DPF1: variants seen among roughly 807,000 people sequenced by gnomAD.
The protein encoded by DPF1 is zinc finger protein neuro-d4.
DPF1 carries 14 observed loss-of-function variants against 58.7 expected under a neutral mutation model. The ratio of observed to expected loss-of-function variants is 0.24; its 90% CI spans 0.16 to 0.37. The LOEUF (loss-of-function observed/expected upper bound fraction) is 0.37. DPF1 is among the 10% of genes least tolerant of loss of function. The pLI, the probability that DPF1 is intolerant of heterozygous loss-of-function variation, is 1.00. For missense variants in DPF1, 345 were observed against 529.9 expected (o/e 0.65, Z 3.43); for synonymous variants, 216 against 216.0 (o/e 1.00, Z 0.00).
intron 9 of DPF1, among the ~76,000 whole-genome samples, chr19:38,215,494 AAAAACAAAAC>A (rs151122599): frequency 1.2e-4 from 18 of 150,276 alleles, no homozygotes; most frequent in African/African-American, 2.7e-4. Flanking sequence ...CTCTGTCTCA[AAAAACAAAAC>A]AAAACAAAAC....
At chr19:38,227,691 G>A (rs1415967795), upstream of DPF1, among the ~76,000 whole-genome samples, 1 of 152,202 alleles carries the variant, frequency 6.6e-6, no homozygotes, top group Non-Finnish European at 1.5e-5. Context: ...CAGTCCCATC[G>A]GGTGGTAAGG....
chr19:38,211,856 GA>G lies in DPF1; in HGVS notation c.*206del. ...GTCCATTTGCCAAGGGACAGAGAGG[GA>G]GGGAGGGAGGGAGAGGCCCTGGCCG... is the stretch of plus-strand genomic sequence containing the variant. On this transcript the variant is annotated 3_prime_UTR_variant, in exon 12 of 12. Transcript: ENST00000355526. The surrounding 1 kb of genome is among the most constrained non-coding windows in gnomAD (Gnocchi z 4.0). The G allele has an allele frequency of 1.7e-6, 1 of 598,892 alleles. No homozygotes were observed. Among genetic ancestry groups the G allele is most frequent in the Non-Finnish European group, 2.9e-6 (1 of 339,298 alleles). The allele number at this position is 598,892 out of a possible 1,614,324, so 37.1% of individuals were successfully genotyped here.
upstream of DPF1, among the ~76,000 whole-genome samples, chr19:38,226,911 C>T (rs1208304499): frequency 1.3e-5 from 2 of 152,100 alleles, no homozygotes; most frequent in Non-Finnish European, 2.9e-5. Context: ...CGAGTGTAGA[C>T]ACTGAGTGCA....
intron 7 of DPF1, among the ~76,000 whole-genome samples, chr19:38,217,027 T>A (rs1420716078): frequency 6.6e-6 from 1 of 152,138 alleles, no homozygotes; most frequent in Non-Finnish European, 1.5e-5. Context: ...GGGAAGACAG[T>A]GTCTCCCTAC....
rs1219248774 is a variant in DPF1, at chr19:38,224,017, C to T, written c.29+97G>A. On this transcript the variant is annotated intron_variant, in intron 1 of 11. Coordinates refer to ENST00000355526, the MANE Select transcript of DPF1 (RefSeq NM_001135155.3). The surrounding 1 kb of genome is among the most constrained non-coding windows in gnomAD (Gnocchi z 4.5). Reference sequence around the variant, plus strand: ...AGCCCCGCACTCGGTGACAGCCCCCCAGACACCCCTTCGGCCCCACCCCCG... The same window carrying T: ...AGCCCCGCACTCGGTGACAGCCCCCTAGACACCCCTTCGGCCCCACCCCCG... The T allele has an allele frequency of 1.5e-6, 2 of 1,379,290 alleles. No individual in the cohort carries two copies. The highest frequency in any genetic ancestry group is 1.9e-6 in the Non-Finnish European group (2 of 1,068,126). The allele number at this position is 1,379,290 out of a possible 1,614,324, so 85.4% of individuals were successfully genotyped here. A position where few individuals can be genotyped will look rare whatever the true frequency, so the allele number is the denominator to read the frequency against.
intron 5 of DPF1, 97 bp from the exon 6 acceptor site, chr19:38,217,973 G>T (rs1851601189): frequency 1.6e-6 from 2 of 1,258,422 alleles, no homozygotes; most frequent in Admixed American, 3.7e-5. Flanking sequence ...GGAGGCCGAG[G>T]CAGGCGGATC....
upstream of DPF1, among the ~76,000 whole-genome samples, chr19:38,227,465 C>T (rs1017404984): frequency 6.6e-6 from 1 of 152,072 alleles, no homozygotes; most frequent in Admixed American, 6.6e-5. Flanking sequence ...CCTGCACACA[C>T]CACTCCCACA....
At chr19:38,217,650 C>A (rs1967130543) in intron 6 of DPF1, 59 bp from the exon 7 acceptor site, 7 of 1,529,460 alleles carry the variant, frequency 4.6e-6, no homozygotes, top group Non-Finnish European at 6.2e-6. Flanking sequence ...GCCGCCTCCA[C>A]CCTGGCCTCC....
chr19:38,225,858 C>A (rs1600291118), upstream of DPF1, among the ~76,000 whole-genome samples: 2 of 148,588 alleles, frequency 1.3e-5, no homozygotes, highest in East Asian at 3.9e-4. Flanking sequence ...CACTACACTC[C>A]AGCCTGGACA....
Position 38,216,268 on chromosome 19 carries a change from C to T in DPF1, c.779-9G>A. On this transcript the variant is annotated splice_polypyrimidine_tract_variant and intron_variant, in intron 8 of 11. Transcript: ENST00000355526. ...GTCGGGCGCCTTCTTGGCTGCAAGA[C>T]AGCAGACAGGCATTGGCACGGGGCA... 1.2e-6 allele frequency: 2 copies of T among 1,613,916 alleles called. No homozygotes were observed. The highest frequency in any genetic ancestry group is 1.1e-5 in the South Asian group (1 of 91,066).
Position 38,222,487 on chromosome 19 carries a change from G to A in DPF1, c.191-23C>T, listed in dbSNP as rs2146204541. The A allele has an allele frequency of 6.3e-7, 1 of 1,580,800 alleles. No homozygotes were observed. The highest frequency in any genetic ancestry group is 8.6e-7 in the Non-Finnish European group (1 of 1,169,088). ...AACCTGGAGAGAGAGGGGGGTGAGA[G>A]GGCGGCGGCGGTGGGGCGGCCTGGC... On this transcript the variant is annotated intron_variant, in intron 2 of 11. Transcript: ENST00000355526. The surrounding 1 kb of genome is among the most constrained non-coding windows in gnomAD (Gnocchi z 4.9).
chr19:38,224,298 G>A, upstream of DPF1: 1 of 1,264,026 alleles, frequency 7.9e-7, no homozygotes, highest in Non-Finnish European at 9.9e-7. The surrounding 1 kb of genome is among the most constrained non-coding windows in gnomAD (Gnocchi z 4.5). Context: ...CCCGGGCCAT[G>A]CTGGGAGTGG....
intron 4 of DPF1, 42 bp from the exon 5 acceptor site, chr19:38,218,704 C>T: frequency 6.2e-7 from 1 of 1,606,320 alleles, no homozygotes; most frequent in Non-Finnish European, 8.5e-7. Flanking sequence ...AAGTGGGGGC[C>T]ACTGACCTGC....
chr19:38,222,916 C>T lies in DPF1; in HGVS notation c.30-208G>A, dbSNP rs1295604730. The T allele has an allele frequency of 3.4e-6, 2 of 594,816 alleles. No homozygotes were observed. The highest frequency in any genetic ancestry group is 5.5e-6 in the Non-Finnish European group (2 of 361,662). The allele number at this position is 594,816 out of a possible 1,614,324, so 36.8% of individuals were successfully genotyped here. The stretch of plus-strand genomic sequence containing the variant: ...GCCCCCAAACTGGGACTCAAACAGG[C>T]CCCCAGCTCATGAGTAGAAACACGA... On this transcript the variant is annotated intron_variant, in intron 1 of 11. Coordinates refer to ENST00000355526, the MANE Select transcript of DPF1 (RefSeq NM_001135155.3). This position sits in a 1 kb window ranked among gnomAD's most constrained non-coding sequence, Gnocchi z 4.9.
At chr19:38,221,127 T>G (rs1306120768) in intron 3 of DPF1, among the ~76,000 whole-genome samples, 1 of 152,050 alleles carries the variant, frequency 6.6e-6, no homozygotes, top group Non-Finnish European at 1.5e-5. Flanking sequence ...CTAAGACACT[T>G]GGAGACACCT....
intron 11 of DPF1, 39 bp downstream of exon 11, chr19:38,212,241 C>A (rs747393675): frequency 1.8e-6 from 1 of 554,102 alleles, no homozygotes; most frequent in South Asian, 1.7e-5. Flanking sequence ...ATGGCGTTCC[C>A]ACCCACCCGC....
intron 1 of DPF1, chr19:38,223,848 C>T: frequency 2.7e-6 from 1 of 369,382 alleles, no homozygotes; most frequent in East Asian, 4.4e-5. Flanking sequence ...TCTCCCAGAC[C>T]CGAGGGTTGC....
In DPF1 at chr19:38,213,605, G is replaced by A. The variant is rs1485364150; in HGVS notation, c.1011+39C>T. 1.9e-6 allele frequency: 3 copies of A among 1,577,406 alleles called. No homozygotes were observed. In the African/African-American group the frequency reaches 4.0e-5, roughly 21 times the overall value. On this transcript the variant is annotated intron_variant, in intron 10 of 11. Coordinates refer to ENST00000355526, the MANE Select transcript of DPF1 (RefSeq NM_001135155.3). ...GGGCAGAGGTGGACGTGCCAGGCGG[G>A]GCGGGCAGCAGGGCACGCGGGGGGC...
Position 38,222,821 on chromosome 19 carries a change from C to A in DPF1, c.30-113G>T. 3 of 1,356,704 alleles carry A rather than the reference C, an allele frequency of 2.2e-6. No individual in the cohort carries two copies. The highest frequency in any genetic ancestry group is 2.9e-6 in the Non-Finnish European group (3 of 1,041,632). The allele number at this position is 1,356,704 out of a possible 1,614,324, so 84.0% of individuals were successfully genotyped here. ...CCAGGCTCGGGAGGGGTGGGCCGAC[C>A]CCTCCAGCCTCACCTCTCCCCTCCT... On this transcript the variant is annotated intron_variant, in intron 1 of 11. Transcript: ENST00000355526. This position sits in a 1 kb window ranked among gnomAD's most constrained non-coding sequence, Gnocchi z 4.9.
Sources: gnomAD v4.1 joint callset for allele counts (sites outside exome capture counted in the v4.1 genomes callset) on GRCh38, gnomAD v4.1.1 for gene constraint, Gnocchi (gnomAD v3.1) non-coding constraint, MANE v1.5 for transcripts, NCBI Gene and HGNC (gene_info 2026-07-23, HGNC 2026-07-21) for gene names.